The following GRID2 variants were observed in gnomAD, a reference collection of about 807,000 sequenced individuals.
The protein encoded by GRID2 is glutamate ionotropic receptor delta type subunit 2.
A neutral mutation model predicts 114.8 loss-of-function variants in GRID2; 33 were observed. The observed-to-expected ratio is 0.29, with a 90% CI of 0.22 to 0.38. GRID2 has a LOEUF of 0.38. Among genes scored for constraint, GRID2 ranks in the 10% least tolerant of loss-of-function variants. The pLI, the probability that GRID2 is intolerant of heterozygous loss-of-function variation, is 1.00. For missense variants in GRID2, 1,184 were observed against 1,257.7 expected (o/e 0.94, Z 0.89); for synonymous variants, 505 against 449.9 (o/e 1.12, Z -1.55).
chr4:93,085,359 A>C, intron 3 of GRID2, 80 bp downstream of exon 3: 1 of 1,080,116 alleles, frequency 9.3e-7, no homozygotes, highest in Non-Finnish European at 1.4e-6. Flanking sequence ...AAAAGTTTCA[A>C]GGGTCTTACT....
At chr4:93,524,789 A>G (rs866636442) in intron 13 of GRID2, among the ~76,000 whole-genome samples, 4,853 of 83,622 alleles carry the variant, frequency 0.058, 235 homozygotes, top group Non-Finnish European at 0.064. Context: ...GTATGTGTAT[A>G]TATATATATA....
chr4:92,589,806 C>A (rs1006889030), intron 1 of GRID2, among the ~76,000 whole-genome samples: 1 of 152,074 alleles, frequency 6.6e-6, no homozygotes, highest in African/African-American at 2.4e-5. Context: ...GCTATGAATT[C>A]CTTAAAAATT....
intron 1 of GRID2, among the ~76,000 whole-genome samples, chr4:92,570,141 G>C (rs1456371562): frequency 6.6e-6 from 1 of 152,046 alleles, no homozygotes; most frequent in Non-Finnish European, 1.5e-5. Context: ...CATATGTGGT[G>C]TAAGGAAGGG....
At chr4:93,241,064 T>G (rs1321328136) in intron 8 of GRID2, among the ~76,000 whole-genome samples, 1 of 151,762 alleles carries the variant, frequency 6.6e-6, no homozygotes, top group Non-Finnish European at 1.5e-5. Flanking sequence ...CTTATTTTCA[T>G]GTGTCAATAA....
intron 9 of GRID2, among the ~76,000 whole-genome samples, chr4:93,412,631 G>A (rs879521678): frequency 3.3e-5 from 5 of 151,830 alleles, no homozygotes; most frequent in Admixed American, 2.6e-4. Context: ...TGTAGAATGC[G>A]CAGGTTTGTT....
intron 1 of GRID2, among the ~76,000 whole-genome samples, chr4:92,333,921 A>C (rs531780752): frequency 1.3e-5 from 2 of 152,182 alleles, no homozygotes; most frequent in South Asian, 4.2e-4. Context: ...TTTAGAGATG[A>C]GGTCTCACTA....
intron 2 of GRID2, among the ~76,000 whole-genome samples, chr4:93,070,841 A>G (rs1728744176): frequency 6.6e-6 from 1 of 152,138 alleles, no homozygotes; most frequent in Non-Finnish European, 1.5e-5. Flanking sequence ...AACAGACTGT[A>G]CTTGATATAT....
At chr4:93,616,991 CAA>C (rs373179529) in intron 13 of GRID2, among the ~76,000 whole-genome samples, 7 of 106,638 alleles carry the variant, frequency 6.6e-5, no homozygotes, top group African/African-American at 7.0e-5. Context: ...GATTCCATCT[CAA>C]AAAAAAAAAA....
chr4:93,619,066 A>G (rs1741974479), intron 13 of GRID2, among the ~76,000 whole-genome samples: 2 of 152,190 alleles, frequency 1.3e-5, no homozygotes, highest in Admixed American at 6.5e-5. Flanking sequence ...GTTGATGTTT[A>G]TTTTAAATAC....
At chr4:93,386,817 A>G (rs1345276084) in intron 8 of GRID2, among the ~76,000 whole-genome samples, 2 of 151,884 alleles carry the variant, frequency 1.3e-5, no homozygotes, top group East Asian at 1.9e-4. Context: ...CAGGGTACCC[A>G]CTCCTCCCAA....
intron 4 of GRID2, among the ~76,000 whole-genome samples, chr4:93,186,016 G>A (rs1278639948): frequency 6.6e-6 from 1 of 152,038 alleles, no homozygotes; most frequent in East Asian, 1.9e-4. Flanking sequence ...CTGTTCTTGT[G>A]ATAGTTTGCT....
In GRID2 at chr4:93,570,498, G is replaced by A. The variant is rs117587242; in HGVS notation, c.2193+55087G>A. 5.6e-4 allele frequency among the ~76,000 whole-genome samples: 86 copies of A among 152,294 alleles called. 1 individual carries two copies. In the East Asian group the frequency reaches 0.013, roughly 23 times the overall value. ...GCTGTCGGGGAAAATAACTACTCTA[G>A]AGGATAGCAATCATTTATTTTAAAA... On this transcript the variant is annotated intron_variant, in intron 13 of 15. Transcript: ENST00000282020.
chr4:93,132,194 AG>A lies in GRID2; in HGVS notation c.735+21245del, dbSNP rs368576540. On this transcript the variant is annotated intron_variant, in intron 4 of 15. Transcript: ENST00000282020. ...ATACAACAGTAATCACCTTGAGGTCAGGGGCTATTGTAAATTTCACATTCTC... is the reference window on the plus strand; with the variant it reads ...ATACAACAGTAATCACCTTGAGGTCAGGGCTATTGTAAATTTCACATTCTC... 4.0e-3 allele frequency among the ~76,000 whole-genome samples: 607 copies of A among 152,342 alleles called. 7 individuals carry two copies. Among genetic ancestry groups the A allele is most frequent in the African/African-American group, 0.014 (586 of 41,590 alleles).
At chr4:93,762,816 C>T (rs975532241) in intron 14 of GRID2, among the ~76,000 whole-genome samples, 2 of 152,014 alleles carry the variant, frequency 1.3e-5, no homozygotes, top group African/African-American at 2.4e-5. Flanking sequence ...TCCTGTGCCT[C>T]GCATGCGGGG....
chr4:92,907,178 TTTA>T (rs1748021726), intron 2 of GRID2, among the ~76,000 whole-genome samples: 1 of 152,170 alleles, frequency 6.6e-6, no homozygotes, highest in African/African-American at 2.4e-5. Context: ...TTACATTTTA[TTTA>T]TTAACTTTTT....
At chr4:92,370,830 G>A (rs745426109) in intron 1 of GRID2, among the ~76,000 whole-genome samples, 1 of 152,118 alleles carries the variant, frequency 6.6e-6, no homozygotes, top group African/African-American at 2.4e-5. Flanking sequence ...TAGAGTGATG[G>A]TTACCAAAGG....
intron 1 of GRID2, among the ~76,000 whole-genome samples, chr4:92,464,485 T>C (rs1287645198): frequency 6.6e-6 from 1 of 152,132 alleles, no homozygotes; most frequent in African/African-American, 2.4e-5. Context: ...AGACTGGAAG[T>C]ATTAGGCCAA....
intron 1 of GRID2, among the ~76,000 whole-genome samples, chr4:92,465,519 G>A (rs758838770): frequency 3.3e-5 from 5 of 152,022 alleles, no homozygotes; most frequent in Non-Finnish European, 7.4e-5. Context: ...TTATATACCA[G>A]TAGCAATAAA....
chr4:93,378,494 A>G (rs889620491), intron 8 of GRID2, among the ~76,000 whole-genome samples: 2 of 152,084 alleles, frequency 1.3e-5, no homozygotes, highest in Non-Finnish European at 2.9e-5. Flanking sequence ...TCTGGATTTT[A>G]TTAATTTATT....
Sources: gnomAD v4.1 joint callset for allele counts (sites outside exome capture counted in the v4.1 genomes callset) on GRCh38, gnomAD v4.1.1 for gene constraint, MANE v1.5 for transcripts, NCBI Gene and HGNC (gene_info 2026-07-23, HGNC 2026-07-21) for gene names.